WDR81: variants seen among roughly 807,000 people sequenced by gnomAD.
The protein encoded by WDR81 is WD repeat-containing protein 81.
A neutral mutation model predicts 140.8 loss-of-function variants in WDR81; 92 were observed. The ratio of observed to expected loss-of-function variants is 0.65; its 90% CI spans 0.55 to 0.78. The LOEUF is 0.78. WDR81 is among the 30% of genes least tolerant of loss of function. The probability of loss-of-function intolerance (pLI) is 0.00; values close to 1 mark genes in which losing one functional copy is unlikely to be tolerated. For synonymous variants in WDR81, 1,183 were observed against 1,156.4 expected, an observed-to-expected ratio of 1.02 and a Z score of -0.47; for missense variants, 2,502 against 2,636.4, an observed-to-expected ratio of 0.95 and a Z score of 1.12.
rs926612499 is a variant in WDR81, at chr17:1,724,778, C to T, written c.-182C>T. 5.7e-4 allele frequency: 659 copies of T among 1,164,982 alleles called. No homozygotes were observed. The highest frequency in any genetic ancestry group is 6.4e-4 in the Non-Finnish European group (602 of 944,998). 72.2% of individuals were successfully genotyped at this position (1,164,982 alleles called of 1,614,324 possible). ...CCCGCCGCGCCCGGAGCGCAGGACC[C>T]GCGGAGGGGTAAGCGCGCCCCCCGT... On this transcript the variant is annotated 5_prime_UTR_variant, in exon 1 of 10. Transcript: ENST00000409644.
chr17:1,726,882 T>G lies in WDR81; in HGVS notation c.1923T>G (p.Thr641=). ...NGVGRPVLEA[T]PCEASWTRDR... is the part of the protein sequence containing the mutation. ...TGGGCCGGCCAGTTTTAGAGGCCAC[T>G]CCCTGTGAGGCTAGCTGGACCAGAG... is the stretch of plus-strand genomic sequence containing the variant. The change falls in exon 1 of 10, where the codon ACT becomes ACG. Residue 641 remains threonine, a synonymous_variant. Coordinates refer to ENST00000409644, the MANE Select transcript of WDR81 (RefSeq NM_001163809.2). The G allele has an allele frequency of 6.5e-7, 1 of 1,550,358 alleles. No homozygotes were observed. Among genetic ancestry groups the G allele is most frequent in the Non-Finnish European group, 8.7e-7 (1 of 1,146,952 alleles).
chr17:1,719,672 C>T (rs1274699802), intron 1 of WDR81, among the ~76,000 whole-genome samples: 3 of 151,664 alleles, frequency 2.0e-5, no homozygotes. Context: ...CAAGACCAGC[C>T]TGGGCAACGT....
chr17:1,725,754 C>T lies in WDR81; in HGVS notation c.795C>T (p.Phe265=). The T allele has an allele frequency of 6.4e-7, 1 of 1,550,660 alleles. No homozygotes were observed. Among genetic ancestry groups the T allele is most frequent in the Non-Finnish European group, 8.7e-7 (1 of 1,147,024 alleles). The change falls in exon 1 of 10, where the codon TTC becomes TTT. Residue 265 remains phenylalanine (F), a synonymous_variant. Coordinates refer to ENST00000409644, the MANE Select transcript of WDR81 (RefSeq NM_001163809.2). ...AGGCCAAGGTGCTGTTCATTCTCTT[C>T]CGCGTGCTGAGGGCTATGGACGCCT... ...NSQAKVLFIL[F]RVLRAMDACH...
At chr17:1,724,368 A>G (rs984047310), upstream of WDR81, among the ~76,000 whole-genome samples, 1 of 152,184 alleles carries the variant, frequency 6.6e-6, no homozygotes, top group Non-Finnish European at 1.5e-5. Flanking sequence ...CGTCTCAAAA[A>G]TAGACACAAC....
rs1915166703 is a variant in WDR81 at position 1,725,384 on chromosome 17, T to G, written c.425T>G (p.Val142Gly). 1 of 1,549,314 alleles carries G rather than the reference T, an allele frequency of 6.5e-7. No homozygotes were observed. Among genetic ancestry groups the G allele is most frequent in the South Asian group, 1.2e-5 (1 of 84,064 alleles). Residue 142 changes from valine (V) to glycine (G), a missense_variant, in exon 1 of 10, where the codon GTT (valine) becomes GGT (glycine). Val to Gly is a moderately radical substitution (Grantham distance 109). Transcript: ENST00000409644. ...ACCCTCACTCGCTTCATGCAGGAGG[T>G]TGCCGCCCAGAATTATCGCAACCTG... is the stretch of plus-strand genomic sequence containing the variant. ...PETLTRFMQE[V>G]AAQNYRNLWR...
In WDR81 at chr17:1,726,794, C is replaced by T; in HGVS notation, c.1835C>T (p.Thr612Ile). The T allele has an allele frequency of 6.5e-7, 1 of 1,549,232 alleles. No homozygotes were observed. Among genetic ancestry groups the T allele is most frequent in the South Asian group, 1.2e-5 (1 of 84,056 alleles). Residue 612 changes from threonine to isoleucine, a missense_variant, in exon 1 of 10, where the codon ACC becomes ATC. Physicochemically the swap from Thr to Ile is moderately conservative, Grantham distance 89. Transcript: ENST00000409644. ...CTCATCCCCAAGCTGTTGGTCCAGACCATCCAGGAGACCACAGGCCGGGAG... is the reference window on the plus strand; with the variant it reads ...CTCATCCCCAAGCTGTTGGTCCAGATCATCCAGGAGACCACAGGCCGGGAG... ...PPLIPKLLVQ[T>I]IQETTGREDF...
intron 1 of WDR81, among the ~76,000 whole-genome samples, chr17:1,729,153 G>C (rs991242016): frequency 2.0e-5 from 3 of 152,046 alleles, no homozygotes; most frequent in Non-Finnish European, 4.4e-5. Flanking sequence ...GTGCGATAAA[G>C]AACATGGCTG....
At chr17:1,734,414 C>G (rs1301617106) in intron 7 of WDR81, among the ~76,000 whole-genome samples, 198 bp downstream of exon 7, 2 of 152,246 alleles carry the variant, frequency 1.3e-5, no homozygotes, top group Non-Finnish European at 2.9e-5. Flanking sequence ...GCTGAGTGAC[C>G]TTGAGCAAGT....
At chr17:1,731,941 G>GTATA (rs34558475) in intron 4 of WDR81, among the ~76,000 whole-genome samples, 6 of 133,152 alleles carry the variant, frequency 4.5e-5, no homozygotes, top group African/African-American at 1.8e-4. Context: ...AAAAAAAAAA[G>GTATA]TATATATATA....
rs771691114 is a variant in WDR81 at position 1,728,278 on chromosome 17, C to T, written c.3319C>T (p.Arg1107Trp). 25 of 1,612,620 alleles carry T rather than the reference C, an allele frequency of 1.6e-5. No homozygotes were observed. The highest frequency in any genetic ancestry group is 6.7e-5 in the East Asian group (3 of 44,874). The change falls in exon 1 of 10, where the codon CGG (arginine) becomes TGG (tryptophan). Residue 1107 changes from arginine to tryptophan, a missense_variant. Physicochemically the swap from Arg to Trp is moderately radical, Grantham distance 101. Coordinates refer to ENST00000409644, the MANE Select transcript of WDR81 (RefSeq NM_001163809.2). ...GGAGGCTGAGGCTGTGAGCCTGGGC[C>T]GGCTGAGTGACAAGAGCAGCACCAG... ...PQEAEAVSLG[R>W]LSDKSSTSET...
intron 9 of WDR81, 77 bp downstream of exon 9, chr17:1,736,295 C>T (rs1192886527): frequency 6.6e-7 from 1 of 1,503,860 alleles, no homozygotes; most frequent in Non-Finnish European, 8.9e-7. Context: ...TAGGGTCTGC[C>T]TGCCCGGGTT....
At position 1,728,098 on chromosome 17, in the gene WDR81, G is replaced by A; in HGVS notation, c.3139G>A (p.Gly1047Arg). 6.2e-7 allele frequency: 1 copy of A among 1,601,832 alleles called. No individual in the cohort carries two copies. The highest frequency in any genetic ancestry group is 8.5e-7 in the Non-Finnish European group (1 of 1,174,594). The stretch of plus-strand genomic sequence containing the variant: ...GGCCGGGCCTGGCTCCTGTGCTTTT[G>A]GGGAGGAGATTCCCATGGATGGGGA... ...PGAGPGSCAF[G>R]EEIPMDGEPP... The change falls in exon 1 of 10, where the codon GGG (glycine) becomes AGG (arginine). Residue 1047 changes from glycine (G) to arginine (R), a missense_variant. Coordinates refer to ENST00000409644, the MANE Select transcript of WDR81 (RefSeq NM_001163809.2).
intron 1 of WDR81, 151 bp from the exon 2 acceptor site, chr17:1,730,229 C>T (rs1038264100): frequency 1.6e-5 from 10 of 614,678 alleles, no homozygotes; most frequent in African/African-American, 4.0e-5. Context: ...GCCGCTGTTA[C>T]GTGGAGGGGG....
Position 1,737,817 on chromosome 17 carries a change from C to A in WDR81, c.*132C>A. On this transcript the variant is annotated 3_prime_UTR_variant, in exon 10 of 10. Coordinates refer to ENST00000409644, the MANE Select transcript of WDR81 (RefSeq NM_001163809.2). Reference sequence around the variant, plus strand: ...ACGCCCTGGGTGCCCACATGGCCTGCCAACTAGGGCCTGCAAATGGAGTGG... The same window carrying A: ...ACGCCCTGGGTGCCCACATGGCCTGACAACTAGGGCCTGCAAATGGAGTGG... 6.1e-6 allele frequency: 7 copies of A among 1,146,578 alleles called. No homozygotes were observed. The South Asian group carries it at 8.1e-5, about 13-fold the overall frequency. 71.0% of individuals were successfully genotyped at this position (1,146,578 alleles called of 1,614,324 possible). A position where few individuals can be genotyped will look rare whatever the true frequency, so the allele number is the denominator to read the frequency against.
intron 1 of WDR81, chr17:1,716,946 T>A: frequency 2.1e-6 from 1 of 486,396 alleles, no homozygotes; most frequent in Non-Finnish European, 3.7e-6. Flanking sequence ...GGAGGCTTTT[T>A]TTCTTGGATG....
At chr17:1,733,375 G>C in intron 6 of WDR81, 152 bp from the exon 7 acceptor site, 1 of 737,928 alleles carries the variant, frequency 1.4e-6, no homozygotes, top group South Asian at 2.1e-5. Flanking sequence ...ACATTTCACT[G>C]AGGAGGAAAC....
intron 1 of WDR81, chr17:1,716,782 A>G: frequency 2.2e-6 from 2 of 907,688 alleles, no homozygotes; most frequent in South Asian, 3.2e-5. Context: ...TAGCTCTTTA[A>G]GGAAAGGTGG....
upstream of WDR81, among the ~76,000 whole-genome samples, chr17:1,723,532 T>C (rs1481964921): frequency 6.6e-6 from 1 of 151,134 alleles, no homozygotes; most frequent in Non-Finnish European, 1.5e-5. Context: ...GTTGCCCAGG[T>C]TGGAGTACAG....
chr17:1,731,134 G>A lies in WDR81; in HGVS notation c.4033G>A (p.Ala1345Thr), dbSNP rs751643116. Residue 1345 changes from alanine (A) to threonine (T), a missense_variant, in exon 4 of 10, where the codon GCG becomes ACG. Around this residue, in one of 3 missense-constraint regions of WDR81, gnomAD observed 1,737 missense variants for 1,843.0 expected, o/e 0.94. Transcript: ENST00000409644. ...NSRKEAGLLAAVTLTQKIIVY... is the reference protein window; with the variant it reads ...NSRKEAGLLATVTLTQKIIVY... Reference sequence around the variant, plus strand: ...CCGTAAGGAGGCGGGGCTGCTGGCCGCGGTGACGCTGACTCAGAAGATCAT... The same window carrying A: ...CCGTAAGGAGGCGGGGCTGCTGGCCACGGTGACGCTGACTCAGAAGATCAT... The A allele has an allele frequency of 1.1e-5, 17 of 1,613,168 alleles. No homozygotes were observed. In the East Asian group the frequency reaches 2.9e-4, roughly 27 times the overall value.
Sources: gnomAD v4.1 joint callset for allele counts (sites outside exome capture counted in the v4.1 genomes callset) on GRCh38, gnomAD v4.1.1 for gene constraint, gnomAD v4.1.1 regional missense constraint, MANE v1.5 for transcripts, NCBI Gene and HGNC (gene_info 2026-07-23, HGNC 2026-07-21) for gene names.